The following EXOC2 variants were observed in gnomAD, a reference collection of about 807,000 sequenced individuals.
The protein encoded by EXOC2 is SEC5-like 1.
In EXOC2, 70 loss-of-function variants were observed where a neutral mutation model predicts 131.8. The ratio of observed to expected loss-of-function variants is 0.53; its 90% confidence interval spans 0.44 to 0.65. EXOC2 has a LOEUF of 0.65. EXOC2 is among the 30% of genes least tolerant of loss of function. The pLI is 0.00. For missense variants in EXOC2, 923 were observed against 1,108.6 expected, an observed-to-expected ratio of 0.83 and a Z score of 2.38; for synonymous variants, 411 against 398.4, an observed-to-expected ratio of 1.03 and a Z score of -0.38.
At chr6:545,123 C>T (rs553795424) in intron 22 of EXOC2, among the ~76,000 whole-genome samples, 256 of 139,434 alleles carry the variant, frequency 1.8e-3, no homozygotes, top group African/African-American at 6.6e-3. Context: ...GTCCGCAGTC[C>T]GGCCTGGGCG....
At chr6:488,934 T>C in intron 27 of EXOC2, 45 bp downstream of exon 27, 1 of 1,575,232 alleles carries the variant, frequency 6.3e-7, no homozygotes, top group Non-Finnish European at 8.7e-7. Flanking sequence ...CAAAACCTTG[T>C]TGAGCACATT....
intron 1 of EXOC2, among the ~76,000 whole-genome samples, chr6:683,963 T>C (rs1327688111): frequency 1.3e-5 from 2 of 152,232 alleles, no homozygotes; most frequent in African/African-American, 4.8e-5. Flanking sequence ...CTGCTAGCTA[T>C]GGAATCAAGC....
At chr6:487,896 A>G (rs1413691300) in intron 27 of EXOC2, among the ~76,000 whole-genome samples, 1 of 152,164 alleles carries the variant, frequency 6.6e-6, no homozygotes. Flanking sequence ...CAGGGTGTGT[A>G]TTGTTCGTGA....
At chr6:658,912 T>G (rs1470654054) in intron 1 of EXOC2, among the ~76,000 whole-genome samples, 3 of 152,084 alleles carry the variant, frequency 2.0e-5, no homozygotes, top group African/African-American at 7.2e-5. Context: ...TCTGCCCACC[T>G]TGGCCTCTCA....
intron 6 of EXOC2, among the ~76,000 whole-genome samples, chr6:617,463 A>G (rs575361153): frequency 6.6e-6 from 1 of 152,364 alleles, no homozygotes; most frequent in South Asian, 2.1e-4. Flanking sequence ...TGTGGACATC[A>G]CAGAGAGTTA....
intron 5 of EXOC2, among the ~76,000 whole-genome samples, chr6:618,991 T>C (rs1761149919): frequency 6.6e-6 from 1 of 152,204 alleles, no homozygotes; most frequent in South Asian, 2.1e-4. Context: ...TTTTTGCTAA[T>C]TTTAAGCCAG....
intron 11 of EXOC2, among the ~76,000 whole-genome samples, chr6:580,168 A>C (rs1033075151): frequency 2.6e-5 from 4 of 152,040 alleles, no homozygotes; most frequent in Non-Finnish European, 1.5e-5. Context: ...CAGCCTCTCA[A>C]GTAGCTGAGA....
chr6:554,741 G>T (rs1757331061), intron 20 of EXOC2, among the ~76,000 whole-genome samples: 1 of 151,236 alleles, frequency 6.6e-6, no homozygotes. Flanking sequence ...AAAAAAACCA[G>T]CACTTTACAA....
chr6:499,783 T>C, intron 23 of EXOC2, 83 bp from the exon 24 acceptor site: 1 of 1,101,156 alleles, frequency 9.1e-7, no homozygotes, highest in Non-Finnish European at 1.4e-6. Context: ...TACCCCATGC[T>C]TTAGAGTTTT....
intron 18 of EXOC2, 81 bp downstream of exon 18, chr6:556,403 G>A (rs2127575388): frequency 1.5e-6 from 2 of 1,374,930 alleles, no homozygotes; most frequent in Non-Finnish European, 2.0e-6. Flanking sequence ...AGATCTTGCA[G>A]TACGATGAGT....
rs537047863 is a variant in EXOC2 at position 571,553 on chromosome 6, C to G, written c.1443+967G>C. On this transcript the variant is annotated intron_variant, in intron 13 of 27. Coordinates refer to ENST00000230449, the MANE Select transcript of EXOC2 (RefSeq NM_018303.6). ...TGGCCAAATGAGACTCCAAAGACAC[C>G]TGAGGTACTCTGACACTTAGCCACT... 1.9e-4 allele frequency among the ~76,000 whole-genome samples: 29 copies of G among 152,306 alleles called. No homozygotes were observed. In the Middle Eastern group the frequency reaches 0.02, roughly 107 times the overall value.
rs989088172 is a variant in EXOC2 at position 485,415 on chromosome 6, C to T, written c.*1256G>A. 2 of 152,168 alleles carry T rather than the reference C, an allele frequency of 1.3e-5. No homozygotes were observed. Among genetic ancestry groups the T allele is most frequent in the African/African-American group, 4.8e-5 (2 of 41,432 alleles). The allele number at this position is 152,168 out of a possible 1,614,324, so 9.4% of individuals were successfully genotyped here. A position where few individuals can be genotyped will look rare whatever the true frequency, so the allele number is the denominator to read the frequency against. ...TTTAAATAATGGAAACTGTACATGGCTACACTGTGCTCTAAAATTACTTGC... is the reference window on the plus strand; with the variant it reads ...TTTAAATAATGGAAACTGTACATGGTTACACTGTGCTCTAAAATTACTTGC... On this transcript the variant is annotated 3_prime_UTR_variant, in exon 28 of 28. Coordinates refer to ENST00000230449, the MANE Select transcript of EXOC2 (RefSeq NM_018303.6).
At chr6:555,425 A>T in intron 19 of EXOC2, 137 bp from the exon 20 acceptor site, 1 of 485,892 alleles carries the variant, frequency 2.1e-6, no homozygotes, top group Non-Finnish European at 3.7e-6. Context: ...GCATGTATGA[A>T]TATGTGTATA....
At chr6:498,752 A>G (rs1763876680) in intron 24 of EXOC2, among the ~76,000 whole-genome samples, 2 of 152,100 alleles carry the variant, frequency 1.3e-5, no homozygotes, top group African/African-American at 4.8e-5. Context: ...GGCCTCAGAT[A>G]CTTTTGGATG....
intron 23 of EXOC2, among the ~76,000 whole-genome samples, chr6:523,813 A>G (rs1765607788): frequency 6.6e-6 from 1 of 152,220 alleles, no homozygotes. Context: ...TCACTAACTC[A>G]TATGATTAAA....
Position 501,157 on chromosome 6 carries a change from CTA to C in EXOC2, c.2381-1459_2381-1458del, listed in dbSNP as rs1287188462. Among the ~76,000 whole-genome samples the C allele has an allele frequency of 3.1e-3, 96 of 30,914 alleles. 4 individuals carry two copies. Among genetic ancestry groups the C allele is most frequent in the South Asian group, 8.2e-3 (8 of 978 alleles). The allele number at this position is 30,914 out of a possible 152,430, so 20.3% of individuals were successfully genotyped here. A position where few individuals can be genotyped will look rare whatever the true frequency, so the allele number is the denominator to read the frequency against. Reference sequence around the variant, plus strand: ...ATATATCTATATATATTATATATATCTATATATATTATATATATCTATATATT... The same window carrying C: ...ATATATCTATATATATTATATATATCTATATATTATATATATCTATATATT... On this transcript the variant is annotated intron_variant, in intron 23 of 27. Transcript: ENST00000230449.
chr6:538,450 T>A (rs907341649), intron 22 of EXOC2, among the ~76,000 whole-genome samples: 2 of 152,158 alleles, frequency 1.3e-5, no homozygotes, highest in African/African-American at 4.8e-5. Context: ...TTTAAAAACA[T>A]CCTGACACTA....
At chr6:617,579 A>C in intron 6 of EXOC2, 132 bp downstream of exon 6, 1 of 1,281,278 alleles carries the variant, frequency 7.8e-7, no homozygotes, top group Non-Finnish European at 1.0e-6. Flanking sequence ...TCTGCAACAA[A>C]TATTTATAGC....
At chr6:530,464 C>T (rs879438875) in intron 23 of EXOC2, among the ~76,000 whole-genome samples, 1 of 152,180 alleles carries the variant, frequency 6.6e-6, no homozygotes, top group South Asian at 2.1e-4. Context: ...AAACATTTCC[C>T]GCGGGCACAG....
Sources: allele counts gnomAD v4.1 joint callset (sites outside exome capture counted in the v4.1 genomes callset), GRCh38; gene constraint gnomAD v4.1.1; transcripts MANE v1.5; gene names NCBI Gene and HGNC (gene_info 2026-07-23, HGNC 2026-07-21).